CEP128: variants seen among roughly 807,000 people sequenced by gnomAD.
The protein encoded by CEP128 is centrosomal protein 128kDa.
In CEP128, 132 loss-of-function variants were observed where a neutral mutation model predicts 156.7. The ratio of observed to expected loss-of-function variants is 0.84; its 90% CI spans 0.73 to 0.97. The LOEUF (loss-of-function observed/expected upper bound fraction) is 0.97. CEP128 is among the 50% of genes least tolerant of loss of function. CEP128 has a pLI of 0.00. For missense variants in CEP128, 1,252 were observed against 1,281.9 expected, an observed-to-expected ratio of 0.98 and a Z score of 0.36; for synonymous variants, 469 against 448.9, an observed-to-expected ratio of 1.04 and a Z score of -0.57.
chr14:80,526,613 C>T (rs1282892894), intron 23 of CEP128: 2 of 275,766 alleles, frequency 7.3e-6, no homozygotes, highest in African/African-American at 2.2e-5. Context: ...TAAGCAGCAC[C>T]AGTTCCCGTA....
At chr14:80,695,231 T>C (rs991210301) in intron 19 of CEP128, among the ~76,000 whole-genome samples, 1 of 152,108 alleles carries the variant, frequency 6.6e-6, no homozygotes, top group African/African-American at 2.4e-5. Flanking sequence ...CTTTGTTCCA[T>C]AAAGGAGAAG....
At chr14:80,693,904 A>T (rs10162496) in intron 19 of CEP128, among the ~76,000 whole-genome samples, 5,847 of 152,334 alleles carry the variant, frequency 0.038, 221 homozygotes, top group African/African-American at 0.097. Flanking sequence ...CAATTGAATA[A>T]GAAACCATTT....
intron 19 of CEP128, among the ~76,000 whole-genome samples, chr14:80,721,123 T>A: frequency 6.6e-6 from 1 of 152,172 alleles, no homozygotes; most frequent in Non-Finnish European, 1.5e-5. Context: ...TCTTACATAT[T>A]GGTATTATGG....
intron 19 of CEP128, among the ~76,000 whole-genome samples, chr14:80,669,553 C>T (rs1035067477): frequency 2.6e-5 from 4 of 152,044 alleles, no homozygotes; most frequent in Non-Finnish European, 5.9e-5. Context: ...GGCCAACAAG[C>T]ATATGAGAAA....
At chr14:80,766,731 T>C (rs982699870) in intron 16 of CEP128, among the ~76,000 whole-genome samples, 1 of 152,126 alleles carries the variant, frequency 6.6e-6, no homozygotes, top group African/African-American at 2.4e-5. Flanking sequence ...AATTAATGGT[T>C]TTCCTTCACT....
At chr14:80,777,750 C>T in intron 16 of CEP128, 132 bp downstream of exon 16, 4 of 671,554 alleles carry the variant, frequency 6.0e-6, no homozygotes, top group Admixed American at 3.3e-5. Flanking sequence ...AATAAACTGA[C>T]TTTTTTGGGG....
rs56003521 is a variant in CEP128, at chr14:80,497,040, A to AGC, written c.*438_*439insGC. 0.79 allele frequency: 125,347 copies of AGC among 159,052 alleles called. 51,774 individuals are homozygous for AGC. Among genetic ancestry groups the AGC allele is most frequent in the Middle Eastern group, 0.9 (291 of 322 alleles). The allele number at this position is 159,052 out of a possible 1,614,324, so 9.9% of individuals were successfully genotyped here. A position where few individuals can be genotyped will look rare whatever the true frequency, so the allele number is the denominator to read the frequency against. On this transcript the variant is annotated 3_prime_UTR_variant, in exon 25 of 25. Coordinates refer to ENST00000555265, the MANE Select transcript of CEP128 (RefSeq NM_152446.5). Reference sequence around the variant, plus strand: ...ACACATGATAATTTATTAGGGAGAAAATTTTTCAAAAAATCAGTTGTATAT... The same window carrying AGC: ...ACACATGATAATTTATTAGGGAGAAAGCATTTTTCAAAAAATCAGTTGTATAT...
At chr14:80,874,718 C>G (rs1284288911) in intron 8 of CEP128, among the ~76,000 whole-genome samples, 2 of 152,034 alleles carry the variant, frequency 1.3e-5, no homozygotes, top group Non-Finnish European at 2.9e-5. Context: ...CCCGGGTTCA[C>G]GCCATTCTCC....
chr14:80,740,549 G>GACAA lies in CEP128; in HGVS notation c.2806+2525_2806+2526insTTGT, dbSNP rs1405077389. ...AGATAGATAGATAGATAGATAGACAGACAGATAGATAGAAATGATGCATAT... is the reference window on the plus strand; with the variant it reads ...AGATAGATAGATAGATAGATAGACAGACAAACAGATAGATAGAAATGATGCATAT... On this transcript the variant is annotated intron_variant, in intron 19 of 24. Transcript: ENST00000555265. Among the ~76,000 whole-genome samples the GACAA allele has an allele frequency of 7.0e-5, 9 of 129,000 alleles. No homozygotes were observed. In the Admixed American group the frequency reaches 7.0e-4, roughly 10 times the overall value. The allele number at this position is 129,000 out of a possible 152,430, so 84.6% of individuals were successfully genotyped here.
intron 13 of CEP128, among the ~76,000 whole-genome samples, chr14:80,797,691 T>A (rs1398622758): frequency 1.3e-5 from 2 of 152,174 alleles, no homozygotes; most frequent in African/African-American, 4.8e-5. Flanking sequence ...AGAACCCTCA[T>A]ATCAATTCCC....
At position 80,784,886 on chromosome 14, in the gene CEP128, C is replaced by T; in HGVS notation, c.2211+9G>A. The T allele has an allele frequency of 1.3e-6, 2 of 1,586,586 alleles. No individual in the cohort carries two copies. Among genetic ancestry groups the T allele is most frequent in the Non-Finnish European group, 1.7e-6 (2 of 1,167,568 alleles). ...CTTCAGTATCATCAGGATAATTTAG[C>T]AGAGGTACCTTCAGAGTCCTGATAT... On this transcript the variant is annotated intron_variant, in intron 15 of 24. Coordinates refer to ENST00000555265, the MANE Select transcript of CEP128 (RefSeq NM_152446.5).
At chr14:80,741,610 T>G (rs555062320) in intron 19 of CEP128, among the ~76,000 whole-genome samples, 9 of 152,142 alleles carry the variant, frequency 5.9e-5, no homozygotes, top group Non-Finnish European at 1.0e-4. Context: ...CAAATGTCAC[T>G]TACTATGACA....
At chr14:80,648,417 T>G (rs180999572) in intron 19 of CEP128, among the ~76,000 whole-genome samples, 2 of 152,252 alleles carry the variant, frequency 1.3e-5, no homozygotes, top group Admixed American at 1.3e-4. Flanking sequence ...AACTATGGTT[T>G]TCAGTTATCA....
chr14:80,493,055 A>AG (rs1356764820), downstream of CEP128, among the ~76,000 whole-genome samples: 1 of 152,164 alleles, frequency 6.6e-6, no homozygotes, highest in Admixed American at 6.6e-5. Flanking sequence ...CCAATATCTA[A>AG]GGATAAATTG....
intron 23 of CEP128, among the ~76,000 whole-genome samples, chr14:80,521,421 C>A (rs1486021225): frequency 6.6e-6 from 1 of 152,076 alleles, no homozygotes; most frequent in Non-Finnish European, 1.5e-5. Context: ...TAATTATACT[C>A]ATCGAAGTAC....
chr14:80,678,060 A>G (rs902798352), intron 19 of CEP128, among the ~76,000 whole-genome samples: 1 of 62,250 alleles, frequency 1.6e-5, no homozygotes, highest in Admixed American at 1.8e-4. Context: ...ATATATATAT[A>G]TATGTATATA....
At chr14:80,801,553 AG>A (rs1883855209) in intron 13 of CEP128, among the ~76,000 whole-genome samples, 1 of 152,116 alleles carries the variant, frequency 6.6e-6, no homozygotes, top group African/African-American at 2.4e-5. Context: ...AAGTGGGCAA[AG>A]GATATCAACA....
At chr14:80,653,894 T>C (rs376600899) in intron 19 of CEP128, among the ~76,000 whole-genome samples, 1 of 152,296 alleles carries the variant, frequency 6.6e-6, no homozygotes, top group East Asian at 1.9e-4. Flanking sequence ...TAAAAGATTA[T>C]ATCCTGGCAT....
rs568303448 is a variant in CEP128 at position 80,723,222 on chromosome 14, T to C, written c.2806+19853A>G. On this transcript the variant is annotated intron_variant, in intron 19 of 24. Coordinates refer to ENST00000555265, the MANE Select transcript of CEP128 (RefSeq NM_152446.5). ...ATGTAATATAAAAATGCCAGAATCCTTAAAGGTGAAATGAGTCAAACTACT... is the reference window on the plus strand; with the variant it reads ...ATGTAATATAAAAATGCCAGAATCCCTAAAGGTGAAATGAGTCAAACTACT... Among the ~76,000 whole-genome samples, 22 of 152,270 alleles carry C rather than the reference T, an allele frequency of 1.4e-4. No homozygotes were observed. In the South Asian group the frequency reaches 4.6e-3, roughly 32 times the overall value.
Sources: allele counts gnomAD v4.1 joint callset (sites outside exome capture counted in the v4.1 genomes callset), GRCh38; gene constraint gnomAD v4.1.1; transcripts MANE v1.5; gene names NCBI Gene and HGNC (gene_info 2026-07-23, HGNC 2026-07-21).